MARCHF10: variants seen among roughly 807,000 people sequenced by gnomAD.
MARCHF10 encodes the protein membrane associated ring-CH-type finger 10.
Under a neutral mutation model 76.2 loss-of-function variants are expected in MARCHF10, and 64 were observed. The observed-to-expected ratio is 0.84, with a 90% CI of 0.69 to 1.03. The LOEUF (loss-of-function observed/expected upper bound fraction) is 1.03. MARCHF10 is among the 50% of genes least tolerant of loss of function. The pLI is 0.00. For synonymous variants in MARCHF10, 340 were observed against 357.5 expected (o/e 0.95, Z 0.55); for missense variants, 875 against 958.0 (o/e 0.91, Z 1.14).
chr17:62,732,089 A>G (rs1016267562), intron 6 of MARCHF10, among the ~76,000 whole-genome samples: 1 of 152,232 alleles, frequency 6.6e-6, no homozygotes, highest in Non-Finnish European at 1.5e-5. Context: ...TAAATAAATG[A>G]CTTTTATGAA....
At chr17:62,718,737 C>T (rs1336543198) in intron 8 of MARCHF10, among the ~76,000 whole-genome samples, 1 of 152,160 alleles carries the variant, frequency 6.6e-6, no homozygotes, top group Non-Finnish European at 1.5e-5. Context: ...CGCTGTTTAT[C>T]GTCTCAGATC....
intron 4 of MARCHF10, among the ~76,000 whole-genome samples, chr17:62,754,766 C>T (rs1478298118): frequency 6.6e-6 from 1 of 152,028 alleles, no homozygotes; most frequent in Non-Finnish European, 1.5e-5. Flanking sequence ...GGAGTATCCA[C>T]TTAAATTGTT....
At chr17:62,793,085 C>A (rs535397611) in intron 2 of MARCHF10, among the ~76,000 whole-genome samples, 2 of 149,662 alleles carry the variant, frequency 1.3e-5, no homozygotes, top group Non-Finnish European at 3.0e-5. Context: ...ATCACCACCA[C>A]CACCTCCATT....
intron 8 of MARCHF10, among the ~76,000 whole-genome samples, chr17:62,720,614 C>T (rs1428936676): frequency 1.3e-5 from 2 of 152,178 alleles, no homozygotes; most frequent in Non-Finnish European, 2.9e-5. Flanking sequence ...CTTTCCCCCT[C>T]CCCCTGCTGG....
chr17:62,775,703 A>T (rs994647687), intron 3 of MARCHF10, among the ~76,000 whole-genome samples: 2 of 152,160 alleles, frequency 1.3e-5, no homozygotes, highest in Non-Finnish European at 2.9e-5. Context: ...GAGTTTTAGG[A>T]TGAAATGCTA....
At chr17:62,713,348 GA>G (rs1462004407) in intron 8 of MARCHF10, among the ~76,000 whole-genome samples, 2 of 152,198 alleles carry the variant, frequency 1.3e-5, no homozygotes, top group Non-Finnish European at 2.9e-5. Context: ...AAGCATTCAG[GA>G]AAATCATTTA....
chr17:62,773,233 C>G (rs2092481152), intron 3 of MARCHF10, among the ~76,000 whole-genome samples: 1 of 152,050 alleles, frequency 6.6e-6, no homozygotes. Flanking sequence ...GAGCAGGTGG[C>G]TTTGCAGAAG....
intron 9 of MARCHF10, among the ~76,000 whole-genome samples, chr17:62,708,663 C>T (rs181580685): frequency 1.8e-4 from 27 of 152,290 alleles, no homozygotes; most frequent in African/African-American, 4.8e-4. Flanking sequence ...TAAAGGTTCC[C>T]GTGCCCAAGT....
intron 6 of MARCHF10, among the ~76,000 whole-genome samples, chr17:62,728,944 T>C (rs1404832069): frequency 6.6e-6 from 1 of 152,090 alleles, no homozygotes; most frequent in African/African-American, 2.4e-5. Context: ...GGTTTTTTTG[T>C]TTGTTTTTAA....
At chr17:62,759,402 C>G (rs531071138) in intron 4 of MARCHF10, among the ~76,000 whole-genome samples, 32 of 152,184 alleles carry the variant, frequency 2.1e-4, no homozygotes, top group Non-Finnish European at 4.1e-4. Context: ...TGCATAGGAT[C>G]ACTGGCCTTT....
intron 8 of MARCHF10, among the ~76,000 whole-genome samples, chr17:62,718,582 C>T (rs949293531): frequency 3.3e-5 from 5 of 152,186 alleles, no homozygotes; most frequent in African/African-American, 4.8e-5. Flanking sequence ...TTAGGAGATT[C>T]GGCAGGCTCC....
intron 2 of MARCHF10, among the ~76,000 whole-genome samples, chr17:62,796,017 T>C (rs2092978641): frequency 3.9e-5 from 6 of 152,040 alleles, no homozygotes; most frequent in Admixed American, 3.9e-4. Context: ...CCTTTTTTTT[T>C]TTTTTGAGAC....
chr17:62,754,970 A>G (rs2091997919), intron 4 of MARCHF10, among the ~76,000 whole-genome samples: 1 of 152,132 alleles, frequency 6.6e-6, no homozygotes, highest in Admixed American at 6.5e-5. Flanking sequence ...CCCCATCCAA[A>G]AGAGACCACA....
chr17:62,769,803 A>C (rs998600456), intron 3 of MARCHF10, among the ~76,000 whole-genome samples: 1 of 152,142 alleles, frequency 6.6e-6, no homozygotes, highest in Admixed American at 6.5e-5. Context: ...TCTTTTTATT[A>C]TCATTGCATT....
At chr17:62,767,579 T>C (rs1262653914) in intron 3 of MARCHF10, among the ~76,000 whole-genome samples, 2 of 151,256 alleles carry the variant, frequency 1.3e-5, no homozygotes, top group Non-Finnish European at 2.9e-5. Context: ...GCCTCCCAAG[T>C]AGCTGGGATT....
chr17:62,780,798 A>C (rs959148926), intron 3 of MARCHF10: 3 of 152,318 alleles, frequency 2.0e-5, no homozygotes, highest in African/African-American at 7.2e-5. Context: ...GATCTTGGAA[A>C]GATGAGAAGG....
chr17:62,713,372 CAAT>C, intron 8 of MARCHF10, among the ~76,000 whole-genome samples: 1 of 152,310 alleles, frequency 6.6e-6, no homozygotes, highest in East Asian at 1.9e-4. Context: ...TTTTATGACT[CAAT>C]AAGGCCCAGA....
At chr17:62,790,076 G>T (rs1048080975) in intron 2 of MARCHF10, among the ~76,000 whole-genome samples, 1 of 152,028 alleles carries the variant, frequency 6.6e-6, no homozygotes, top group African/African-American at 2.4e-5. Context: ...ATAAAATCTG[G>T]TACCAAAATA....
chr17:62,807,060 G>A (rs1217005829), intron 1 of MARCHF10, among the ~76,000 whole-genome samples: 3 of 152,184 alleles, frequency 2.0e-5, no homozygotes, highest in Non-Finnish European at 2.9e-5. Flanking sequence ...CGGACAATCA[G>A]GCTCGAAAAT....
Sources: gnomAD v4.1 joint callset for allele counts (sites outside exome capture counted in the v4.1 genomes callset) on GRCh38, gnomAD v4.1.1 for gene constraint, MANE v1.5 for transcripts, NCBI Gene and HGNC (gene_info 2026-07-23, HGNC 2026-07-21) for gene names.